RAD54L2: variants seen among roughly 807,000 people sequenced by gnomAD.
RAD54L2 encodes RAD54 like 2.
Under a neutral mutation model 138.4 loss-of-function variants are expected in RAD54L2, and 27 were observed. The ratio of observed to expected loss-of-function variants is 0.20; its 90% confidence interval spans 0.14 to 0.27. The LOEUF is 0.27. Among genes scored for constraint, RAD54L2 ranks in the 10% least tolerant of loss-of-function variants. The pLI is 1.00. For missense variants in RAD54L2, 1,396 were observed against 1,890.2 expected (o/e 0.74, Z 4.85); for synonymous variants, 644 against 723.2 (o/e 0.89, Z 1.76).
At chr3:51,546,809 A>G (rs1285777223) in intron 2 of RAD54L2, among the ~76,000 whole-genome samples, 1 of 150,794 alleles carries the variant, frequency 6.6e-6, no homozygotes, top group Non-Finnish European at 1.5e-5. Flanking sequence ...CAGGCAGATC[A>G]CCTGAGGTCA....
chr3:51,542,128 A>G (rs1278972172), intron 2 of RAD54L2, among the ~76,000 whole-genome samples: 5 of 152,162 alleles, frequency 3.3e-5, no homozygotes, highest in African/African-American at 7.2e-5. Flanking sequence ...TCAATTTTTG[A>G]CCCTTGATAA....
At chr3:51,597,166 A>C (rs972240325) in intron 3 of RAD54L2, among the ~76,000 whole-genome samples, 139 of 111,334 alleles carry the variant, frequency 1.2e-3, no homozygotes, top group Non-Finnish European at 2.2e-3. Flanking sequence ...ACTTCATTTC[A>C]AAAAAAAAAA....
chr3:51,661,263 A>G (rs774080089), intron 22 of RAD54L2, among the ~76,000 whole-genome samples: 89 of 152,272 alleles, frequency 5.8e-4, no homozygotes, highest in East Asian at 5.8e-4. Flanking sequence ...TGCCCAGCCA[A>G]TTTTCTTTGT....
At chr3:51,574,698 A>AT (rs1559622093) in intron 2 of RAD54L2, among the ~76,000 whole-genome samples, 3 of 151,734 alleles carry the variant, frequency 2.0e-5, no homozygotes, top group South Asian at 2.1e-4. Context: ...GGGTTGTTTG[A>AT]TTTTTTCTTG....
At chr3:51,659,100 T>G (rs1356356475) in intron 21 of RAD54L2, among the ~76,000 whole-genome samples, 1 of 135,674 alleles carries the variant, frequency 7.4e-6, no homozygotes, top group Non-Finnish European at 1.6e-5. Flanking sequence ...CGGCTCTTGT[T>G]TTTTTTTTTT....
chr3:51,545,931 CTTTTTTTTT>C (rs781819728), intron 2 of RAD54L2, among the ~76,000 whole-genome samples: 2 of 79,454 alleles, frequency 2.5e-5, no homozygotes, highest in Non-Finnish European at 4.8e-5. Context: ...TACATCAATT[CTTTTTTTTT>C]TTTTTTTTTT....
At chr3:51,590,661 C>T in intron 3 of RAD54L2, 102 bp downstream of exon 3, 1 of 1,473,292 alleles carries the variant, frequency 6.8e-7, no homozygotes, top group Non-Finnish European at 9.3e-7. Context: ...CTTAGGCCAT[C>T]CATAGTGGGA....
Position 51,638,471 on chromosome 3 carries a change from A to AGGAGAGAGGTGATGGTTT in RAD54L2, c.1860+151_1860+168dup. 3.4e-6 allele frequency: 3 copies of AGGAGAGAGGTGATGGTTT among 880,024 alleles called. No individual in the cohort carries two copies. The South Asian group carries it at 5.4e-5, about 16-fold the overall frequency. 54.5% of individuals were successfully genotyped at this position (880,024 alleles called of 1,614,324 possible). A position where few individuals can be genotyped will look rare whatever the true frequency, so the allele number is the denominator to read the frequency against. On this transcript the variant is annotated intron_variant, in intron 12 of 22. Transcript: ENST00000684192. The surrounding 1 kb of genome is among the most constrained non-coding windows in gnomAD (Gnocchi z 4.3). Reference sequence around the variant, plus strand: ...CTGCACTGGAGGTTTGGGGGCTCCAAGGAGAGAGGTGATGGTTTTGTACCA... The same window carrying AGGAGAGAGGTGATGGTTT: ...CTGCACTGGAGGTTTGGGGGCTCCAAGGAGAGAGGTGATGGTTTGGAGAGAGGTGATGGTTTTGTACCA...
At chr3:51,592,642 T>A (rs1699864273) in intron 3 of RAD54L2, among the ~76,000 whole-genome samples, 1 of 151,778 alleles carries the variant, frequency 6.6e-6, no homozygotes, top group Non-Finnish European at 1.5e-5. Flanking sequence ...TGGCGCGATC[T>A]CGGCTCACTG....
intron 22 of RAD54L2, among the ~76,000 whole-genome samples, chr3:51,661,214 G>A (rs1295997739): frequency 1.3e-5 from 2 of 152,018 alleles, no homozygotes; most frequent in Non-Finnish European, 2.9e-5. Context: ...CACTCACCTC[G>A]GTCTTCCAAA....
chr3:51,577,095 G>A (rs1487991111), intron 2 of RAD54L2, among the ~76,000 whole-genome samples: 20 of 152,034 alleles, frequency 1.3e-4, no homozygotes, highest in African/African-American at 3.6e-4. Context: ...CCTTCATTTC[G>A]TTATGTACCC....
intron 3 of RAD54L2, among the ~76,000 whole-genome samples, chr3:51,600,899 G>A (rs970034591): frequency 2.6e-5 from 4 of 151,934 alleles, no homozygotes; most frequent in South Asian, 2.1e-4. Flanking sequence ...CCCAGGAGGC[G>A]GAGGTTGCAG....
chr3:51,583,451 C>T (rs1292607550), intron 2 of RAD54L2, among the ~76,000 whole-genome samples: 10 of 149,894 alleles, frequency 6.7e-5, no homozygotes, highest in Non-Finnish European at 1.3e-4. Flanking sequence ...TTGAGTCTCG[C>T]TCTTCTTGCC....
intron 2 of RAD54L2, among the ~76,000 whole-genome samples, chr3:51,545,383 G>A (rs911273784): frequency 1.3e-5 from 2 of 151,768 alleles, no homozygotes; most frequent in Non-Finnish European, 2.9e-5. Flanking sequence ...GTAGAGTCAG[G>A]GTTTTACCAT....
chr3:51,623,980 CAAAAA>C (rs35064930), intron 3 of RAD54L2, among the ~76,000 whole-genome samples: 1 of 74,038 alleles, frequency 1.4e-5, no homozygotes, highest in Non-Finnish European at 2.6e-5. Context: ...CTCCGTCTCA[CAAAAA>C]AAAAAAAAAA....
intron 2 of RAD54L2, among the ~76,000 whole-genome samples, chr3:51,582,711 T>C (rs576809288): frequency 1.3e-5 from 2 of 152,196 alleles, no homozygotes; most frequent in East Asian, 3.9e-4. Flanking sequence ...GGAATAATCC[T>C]GTAGGGGTGT....
In RAD54L2 at chr3:51,635,713, G is replaced by T. The variant is rs750532396; in HGVS notation, c.1263G>T (p.Pro421=). Residue 421 remains proline (P), a synonymous_variant, in exon 10 of 23, where the codon CCG becomes CCT. Coordinates refer to ENST00000684192, the MANE Select transcript of RAD54L2 (RefSeq NM_015106.4). ...AGAAATCATTTGCCACAGGTAGACC[G>T]AAGAAAACCAAGAAGCGTTCTCACC... The part of the protein sequence containing the change: ...TLKKSFATGR[P]KKTKKRSHPV... 6.2e-7 allele frequency: 1 copy of T among 1,613,840 alleles called. No homozygotes were observed. The highest frequency in any genetic ancestry group is 8.5e-7 in the Non-Finnish European group (1 of 1,179,840).
intron 2 of RAD54L2, among the ~76,000 whole-genome samples, chr3:51,561,654 C>T (rs1014641100): frequency 1.3e-5 from 2 of 151,726 alleles, no homozygotes; most frequent in Non-Finnish European, 2.9e-5. Flanking sequence ...CTCAACCTCC[C>T]AGGCTCAAGC....
chr3:51,583,943 C>G (rs1485486223), intron 2 of RAD54L2, among the ~76,000 whole-genome samples: 1 of 150,880 alleles, frequency 6.6e-6, no homozygotes, highest in Non-Finnish European at 1.5e-5. Flanking sequence ...CATTGTGGTT[C>G]CATTGAAAGG....
Sources: gnomAD v4.1 joint callset for allele counts (sites outside exome capture counted in the v4.1 genomes callset) on GRCh38, gnomAD v4.1.1 for gene constraint, Gnocchi (gnomAD v3.1) non-coding constraint, MANE v1.5 for transcripts, NCBI Gene and HGNC (gene_info 2026-07-23, HGNC 2026-07-21) for gene names.